Variants in KLHL3 observed in about 807,000 individuals in gnomAD.
KLHL3 encodes the protein kelch-like protein 3.
KLHL3 carries 19 observed loss-of-function variants against 70.5 expected under a neutral mutation model. That is an observed-to-expected ratio of 0.27 (90% CI 0.19 to 0.40). KLHL3 has a LOEUF of 0.40. KLHL3 is among the 10% of genes least tolerant of loss of function. The pLI is 1.00. For synonymous variants in KLHL3, 258 were observed against 290.3 expected, an observed-to-expected ratio of 0.89 and a Z score of 1.13; for missense variants, 512 against 771.1, an observed-to-expected ratio of 0.66 and a Z score of 3.98.
chr5:137,647,476 AG>A (rs1297046590), intron 8 of KLHL3: 14 of 466,720 alleles, frequency 3.0e-5, no homozygotes, highest in Admixed American at 4.7e-5. Context: ...CTCAGGTGAG[AG>A]GAACAATCTG....
intron 3 of KLHL3, among the ~76,000 whole-genome samples, chr5:137,708,167 A>C (rs1752721236): frequency 6.6e-6 from 1 of 152,210 alleles, no homozygotes; most frequent in Non-Finnish European, 1.5e-5. Context: ...CCCAAGGCTG[A>C]AAGTAAGGTA....
At chr5:137,701,133 A>T (rs749955374) in intron 3 of KLHL3, among the ~76,000 whole-genome samples, 1 of 152,070 alleles carries the variant, frequency 6.6e-6, no homozygotes, top group African/African-American at 2.4e-5. Flanking sequence ...CCCGTGTTCA[A>T]GTGATTCTCC....
At chr5:137,699,626 C>A (rs1752524878) in intron 3 of KLHL3, among the ~76,000 whole-genome samples, 1 of 152,206 alleles carries the variant, frequency 6.6e-6, no homozygotes, top group Non-Finnish European at 1.5e-5. Context: ...CCCTTGCCTT[C>A]AGCCTGCACT....
chr5:137,664,607 A>C (rs1238434614), intron 6 of KLHL3, among the ~76,000 whole-genome samples: 2 of 151,944 alleles, frequency 1.3e-5, no homozygotes, highest in South Asian at 4.2e-4. Context: ...GTGGGAGCCC[A>C]GGAGTTTGAG....
intron 5 of KLHL3, among the ~76,000 whole-genome samples, chr5:137,679,818 A>G (rs1751980277): frequency 6.6e-6 from 1 of 152,210 alleles, no homozygotes; most frequent in South Asian, 2.1e-4. Flanking sequence ...AGGAAGCAGT[A>G]TCTGGTGGGG....
chr5:137,682,027 G>C (rs780267176), intron 5 of KLHL3, among the ~76,000 whole-genome samples: 63 of 152,098 alleles, frequency 4.1e-4, no homozygotes, highest in Non-Finnish European at 1.9e-4. Flanking sequence ...TCCCAGGCAA[G>C]GGCTTTCTCT....
At position 137,692,631 on chromosome 5, in the gene KLHL3, A is replaced by C. The variant is rs530227121; in HGVS notation, c.364-184T>G. The C allele has an allele frequency of 1.4e-5, 8 of 588,158 alleles. No homozygotes were observed. In the South Asian group the frequency reaches 1.4e-4, roughly 11 times the overall value. 36.4% of individuals were successfully genotyped at this position (588,158 alleles called of 1,614,324 possible). A position where few individuals can be genotyped will look rare whatever the true frequency, so the allele number is the denominator to read the frequency against. On this transcript the variant is annotated intron_variant, in intron 4 of 14. Coordinates refer to ENST00000309755, the MANE Select transcript of KLHL3 (RefSeq NM_017415.3). ...CACTACTCTGCCCTTCACGGACCCT[A>C]AACACCAGCAGATTCTCTGTATCCC...
chr5:137,675,351 T>G (rs935966464), intron 6 of KLHL3, among the ~76,000 whole-genome samples: 8 of 152,212 alleles, frequency 5.3e-5, no homozygotes, highest in Non-Finnish European at 1.0e-4. Context: ...ATGGCATATT[T>G]TACCATTATC....
At chr5:137,625,653 A>T in intron 14 of KLHL3, 100 bp downstream of exon 14, 1 of 1,414,420 alleles carries the variant, frequency 7.1e-7, no homozygotes, top group Non-Finnish European at 9.8e-7. Flanking sequence ...GGCCCAAGTT[A>T]AGCAAGCTCA....
intron 1 of KLHL3, among the ~76,000 whole-genome samples, chr5:137,732,802 C>T (rs967377438): frequency 3.3e-5 from 5 of 152,128 alleles, no homozygotes; most frequent in African/African-American, 1.2e-4. Context: ...ACATATTGTA[C>T]CATTTAATCT....
chr5:137,654,141 G>A (rs978510819), intron 8 of KLHL3, among the ~76,000 whole-genome samples: 1 of 152,216 alleles, frequency 6.6e-6, no homozygotes, highest in African/African-American at 2.4e-5. Context: ...TTTTTGTAGT[G>A]ATTAAAATAT....
At chr5:137,731,186 C>T (rs879697475) in intron 1 of KLHL3, among the ~76,000 whole-genome samples, 2 of 152,302 alleles carry the variant, frequency 1.3e-5, no homozygotes, top group African/African-American at 4.8e-5. Context: ...GCAGGGATAT[C>T]AAGAGGTTTC....
intron 6 of KLHL3, among the ~76,000 whole-genome samples, chr5:137,663,998 C>A (rs910057298): frequency 6.6e-6 from 1 of 152,006 alleles, no homozygotes; most frequent in Non-Finnish European, 1.5e-5. Flanking sequence ...TCAAAACTAA[C>A]CAAATTGTGT....
rs1756260771 is a variant in KLHL3 at position 137,617,641 on chromosome 5, T to C, written c.*4457A>G. ...GTGACAAGTGTTCTTTTACAAGATA[T>C]ACAGTCCCTAACAGCCACGCAGAGA... On this transcript the variant is annotated 3_prime_UTR_variant, in exon 15 of 15. Transcript: ENST00000309755. 1 of 152,328 alleles carries C rather than the reference T, an allele frequency of 6.6e-6. No homozygotes were observed. Among genetic ancestry groups the C allele is most frequent in the South Asian group, 2.1e-4 (1 of 4,824 alleles). 9.4% of individuals were successfully genotyped at this position (152,328 alleles called of 1,614,324 possible). A position where few individuals can be genotyped will look rare whatever the true frequency, so the allele number is the denominator to read the frequency against.
In KLHL3 at chr5:137,676,260, T is replaced by G. The variant is rs938152606; in HGVS notation, c.636+1285A>C. ...GATGGCAGGCAGGGGTTTGTGAATT[T>G]TACCCCATTCTCTGGACGTGTGAAT... On this transcript the variant is annotated intron_variant, in intron 6 of 14. Transcript: ENST00000309755. Among the ~76,000 whole-genome samples the G allele has an allele frequency of 3.7e-4, 57 of 152,334 alleles. 1 individual carries two copies. Among genetic ancestry groups the G allele is most frequent in the African/African-American group, 1.3e-3 (52 of 41,574 alleles).
intron 7 of KLHL3, among the ~76,000 whole-genome samples, chr5:137,658,853 G>A (rs1751407457): frequency 6.6e-6 from 1 of 152,170 alleles, no homozygotes; most frequent in African/African-American, 2.4e-5. Flanking sequence ...TTCTAACAGA[G>A]TAACAACATC....
intron 1 of KLHL3, among the ~76,000 whole-genome samples, chr5:137,722,365 G>T (rs908511898): frequency 1.3e-5 from 2 of 152,104 alleles, no homozygotes; most frequent in African/African-American, 4.8e-5. Flanking sequence ...CTGAACTTTG[G>T]GGCTGTTTGG....
chr5:137,698,560 C>T lies in KLHL3; in HGVS notation c.242-152G>A, dbSNP rs1481692889. On this transcript the variant is annotated intron_variant, in intron 3 of 14. Transcript: ENST00000309755. The stretch of plus-strand genomic sequence containing the variant: ...GGATTCAGGCACAGAAGAGGATAAA[C>T]CAGGTAACATCAAGGTCACATCAGC... 4.7e-6 allele frequency: 4 copies of T among 856,976 alleles called. No homozygotes were observed. The Admixed American group carries it at 9.0e-5, about 19-fold the overall frequency. The allele number at this position is 856,976 out of a possible 1,614,324, so 53.1% of individuals were successfully genotyped here.
chr5:137,698,999 T>G (rs1752509423), intron 3 of KLHL3, among the ~76,000 whole-genome samples: 1 of 152,144 alleles, frequency 6.6e-6, no homozygotes, highest in Non-Finnish European at 1.5e-5. Flanking sequence ...GGGTAGGTAA[T>G]TCATTTTGCC....
Sources: allele counts gnomAD v4.1 joint callset (sites outside exome capture counted in the v4.1 genomes callset), GRCh38; gene constraint gnomAD v4.1.1; transcripts MANE v1.5; gene names NCBI Gene and HGNC (gene_info 2026-07-23, HGNC 2026-07-21).